Variants in SLC26A7 observed in about 807,000 individuals in gnomAD.
SLC26A7 encodes the protein anion exchange transporter.
Under a neutral mutation model 82.5 loss-of-function variants are expected in SLC26A7, and 59 were observed. The observed-to-expected ratio is 0.72, with a 90% CI of 0.58 to 0.89. The LOEUF is 0.89. Among genes scored for constraint, SLC26A7 ranks in the 40% least tolerant of loss-of-function variants. The pLI, the probability that SLC26A7 is intolerant of heterozygous loss-of-function variation, is 0.00. For synonymous variants in SLC26A7, 271 were observed against 274.3 expected, an observed-to-expected ratio of 0.99 and a Z score of 0.12; for missense variants, 820 against 793.0, an observed-to-expected ratio of 1.03 and a Z score of -0.41.
At chr8:91,360,812 G>T (rs1188413503) in intron 11 of SLC26A7, among the ~76,000 whole-genome samples, 3 of 152,128 alleles carry the variant, frequency 2.0e-5, no homozygotes, top group African/African-American at 7.2e-5. Flanking sequence ...GGCAGATTCA[G>T]TTAGGATTTG....
At chr8:91,319,695 T>C (rs529887152) in intron 5 of SLC26A7, among the ~76,000 whole-genome samples, 58 of 152,366 alleles carry the variant, frequency 3.8e-4, no homozygotes, top group African/African-American at 1.0e-3. Context: ...ACAGCAGGTC[T>C]ACACGACAGA....
At chr8:91,299,302 T>C (rs1245373310) in intron 4 of SLC26A7, among the ~76,000 whole-genome samples, 1 of 152,156 alleles carries the variant, frequency 6.6e-6, no homozygotes, top group Non-Finnish European at 1.5e-5. Flanking sequence ...AAAAATTGTG[T>C]TGTCAAATTT....
intron 15 of SLC26A7, among the ~76,000 whole-genome samples, chr8:91,380,734 C>G (rs1814647950): frequency 6.6e-6 from 1 of 152,112 alleles, no homozygotes; most frequent in African/African-American, 2.4e-5. Flanking sequence ...TTGGCAATGT[C>G]TTATAAAGTT....
chr8:91,244,458 A>G (rs1362441380), upstream of SLC26A7, among the ~76,000 whole-genome samples: 1 of 148,058 alleles, frequency 6.8e-6, no homozygotes, highest in Non-Finnish European at 1.5e-5. Context: ...ATGTGTTTGA[A>G]TATATAAGTG....
At position 91,362,451 on chromosome 8, in the gene SLC26A7, C is replaced by T. The variant is rs147951124; in HGVS notation, c.1413C>T (p.Arg471=). 3 of 1,612,072 alleles carry T rather than the reference C, an allele frequency of 1.9e-6. No individual in the cohort carries two copies. The African/African-American group carries it at 4.0e-5, about 22-fold the overall frequency. The part of the protein sequence containing the change: ...VVCTIAIVIG[R]FPRAMTVSIK... ...GTACCATAGCTATAGTGATAGGACG[C>T]TTCCCAAGGTAGGATCCTATGTAAA... The change falls in exon 12 of 19, where the codon CGC becomes CGT. Residue 471 remains arginine (R), a synonymous_variant. Transcript: ENST00000276609.
At chr8:91,232,390 C>T (rs1485113337) in intron 2 of SLC26A7, among the ~76,000 whole-genome samples, 1 of 152,174 alleles carries the variant, frequency 6.6e-6, no homozygotes, top group Non-Finnish European at 1.5e-5. Flanking sequence ...ACTGCTGATT[C>T]CACACTTCAC....
At chr8:91,271,590 C>CT (rs67904308) in intron 2 of SLC26A7, among the ~76,000 whole-genome samples, 3,930 of 113,668 alleles carry the variant, frequency 0.035, 136 homozygotes, top group Non-Finnish European at 0.037. Context: ...CTAGAGAAAT[C>CT]TTTTTTTTTT....
chr8:91,343,907 G>T (rs973466946), intron 9 of SLC26A7: 4 of 458,592 alleles, frequency 8.7e-6, no homozygotes, highest in African/African-American at 8.5e-5. Context: ...TAAGATATCT[G>T]CACATATTTT....
intron 2 of SLC26A7, among the ~76,000 whole-genome samples, chr8:91,262,330 A>T (rs760122417): frequency 1.1e-4 from 17 of 152,090 alleles, no homozygotes; most frequent in Non-Finnish European, 1.5e-4. Flanking sequence ...GGCAAAATGG[A>T]GAAACTAGTC....
At chr8:91,375,101 C>T (rs1814473674) in intron 15 of SLC26A7, among the ~76,000 whole-genome samples, 1 of 151,626 alleles carries the variant, frequency 6.6e-6, no homozygotes, top group Non-Finnish European at 1.5e-5. Flanking sequence ...GATCTTTCTC[C>T]ACCCCCTTAC....
rs143292681 is a variant in SLC26A7, at chr8:91,356,921, G to A, written c.1314+3925G>A. Reference sequence around the variant, plus strand: ...TAGGAGAGCAGGAGGTCGTAAATGAGGTAGAGCAGCCCGCAGTTCTTATTT... The same window carrying A: ...TAGGAGAGCAGGAGGTCGTAAATGAAGTAGAGCAGCCCGCAGTTCTTATTT... On this transcript the variant is annotated intron_variant, in intron 11 of 18. Transcript: ENST00000276609. Among the ~76,000 whole-genome samples the A allele has an allele frequency of 2.1e-3, 327 of 152,298 alleles. 1 individual carries two copies. The highest frequency in any genetic ancestry group is 6.7e-3 in the Admixed American group (102 of 15,298).
rs564973012 is a variant in SLC26A7 at position 91,378,679 on chromosome 8, A to C, written c.1675+8846A>C. Among the ~76,000 whole-genome samples the C allele has an allele frequency of 7.9e-5, 12 of 151,806 alleles. No individual in the cohort carries two copies. The South Asian group carries it at 2.5e-3, about 31-fold the overall frequency. ...TCAGATACCAGCTAGGAGAGCCCCG[A>C]GTCTTACTGTCTCTCTCATGACCAT... On this transcript the variant is annotated intron_variant, in intron 15 of 18. Coordinates refer to ENST00000276609, the MANE Select transcript of SLC26A7 (RefSeq NM_052832.4).
At position 91,340,485 on chromosome 8, in the gene SLC26A7, T is replaced by C. The variant is rs1230748981; in HGVS notation, c.960T>C (p.Tyr320=). 2.5e-6 allele frequency: 4 copies of C among 1,614,030 alleles called. No individual in the cohort carries two copies. The highest frequency in any genetic ancestry group is 4.5e-5 in the East Asian group (2 of 44,868). ...TEAFGVALVG[Y]VASLALAQGS... Reference sequence around the variant, plus strand: ...CTTTCGGAGTGGCACTTGTAGGCTATGTGGCCTCACTGGCTCTTGCTCAAG... The same window carrying C: ...CTTTCGGAGTGGCACTTGTAGGCTACGTGGCCTCACTGGCTCTTGCTCAAG... Residue 320 remains tyrosine, a synonymous_variant, in exon 8 of 19, where the codon TAT becomes TAC. Transcript: ENST00000276609.
intron 2 of SLC26A7, among the ~76,000 whole-genome samples, chr8:91,244,000 AAG>A (rs1279532072): frequency 6.6e-6 from 1 of 152,338 alleles, no homozygotes; most frequent in Middle Eastern, 3.4e-3. Flanking sequence ...TGAGATACAA[AAG>A]AGAGACAGAA....
intron 2 of SLC26A7, among the ~76,000 whole-genome samples, chr8:91,283,362 T>A (rs1407991743): frequency 6.6e-6 from 1 of 152,096 alleles, no homozygotes; most frequent in Non-Finnish European, 1.5e-5. Flanking sequence ...TTTCCTGAGG[T>A]AGCTATTCCT....
At chr8:91,355,119 T>C (rs372572747) in intron 11 of SLC26A7, among the ~76,000 whole-genome samples, 1 of 152,108 alleles carries the variant, frequency 6.6e-6, no homozygotes, top group Non-Finnish European at 1.5e-5. Flanking sequence ...TCTTTAGGCA[T>C]TGAGGGGTAA....
chr8:91,263,286 T>C (rs1193351936), intron 2 of SLC26A7, among the ~76,000 whole-genome samples: 1 of 152,096 alleles, frequency 6.6e-6, no homozygotes, highest in Admixed American at 6.6e-5. Context: ...AAATCTGTTA[T>C]AATGGTTTTT....
intron 5 of SLC26A7, among the ~76,000 whole-genome samples, chr8:91,332,494 A>G (rs1813119544): frequency 1.0e-5 from 1 of 100,410 alleles, no homozygotes; most frequent in African/African-American, 4.4e-5. Flanking sequence ...TATTTAATAC[A>G]CACACACACA....
chr8:91,239,123 C>A (rs1383218862), intron 2 of SLC26A7, among the ~76,000 whole-genome samples: 2 of 152,046 alleles, frequency 1.3e-5, no homozygotes, highest in Admixed American at 6.5e-5. Flanking sequence ...GTAATCCCAG[C>A]ACTTTGGGAG....
Sources: allele counts gnomAD v4.1 joint callset (sites outside exome capture counted in the v4.1 genomes callset), GRCh38; gene constraint gnomAD v4.1.1; transcripts MANE v1.5; gene names NCBI Gene and HGNC (gene_info 2026-07-23, HGNC 2026-07-21).